The following RTN1 variants were observed in gnomAD, a reference collection of about 807,000 sequenced individuals.
RTN1 encodes the protein reticulon-1.
RTN1 carries 25 observed loss-of-function variants against 65.5 expected under a neutral mutation model. The ratio of observed to expected loss-of-function variants is 0.38; its 90% CI spans 0.28 to 0.53. RTN1 has a LOEUF of 0.53. Among genes scored for constraint, RTN1 ranks in the 20% least tolerant of loss-of-function variants. The probability of loss-of-function intolerance (pLI) is 0.79; values close to 1 mark genes in which losing one functional copy is unlikely to be tolerated. For missense variants in RTN1, 983 were observed against 1,025.4 expected, an observed-to-expected ratio of 0.96 and a Z score of 0.57; for synonymous variants, 471 against 447.6, an observed-to-expected ratio of 1.05 and a Z score of -0.66.
chr14:59,838,286 C>G (rs1418140352), intron 1 of RTN1, among the ~76,000 whole-genome samples: 2 of 152,182 alleles, frequency 1.3e-5, no homozygotes, highest in East Asian at 3.8e-4. Context: ...TCAGTTCAAC[C>G]TTTCCGAAAG....
At chr14:59,679,813 C>A (rs985081405) in intron 3 of RTN1, among the ~76,000 whole-genome samples, 1 of 152,158 alleles carries the variant, frequency 6.6e-6, no homozygotes, top group Admixed American at 6.5e-5. Context: ...TACAGACTTG[C>A]ATATAATTTT....
At chr14:59,782,470 CCA>C in intron 1 of RTN1, among the ~76,000 whole-genome samples, 1 of 152,154 alleles carries the variant, frequency 6.6e-6, no homozygotes, top group East Asian at 1.9e-4. Flanking sequence ...TAACTTTCTG[CCA>C]ATTTAGATAG....
chr14:59,610,338 G>A, intron 3 of RTN1: 1 of 564,758 alleles, frequency 1.8e-6, no homozygotes, highest in Non-Finnish European at 3.1e-6. Flanking sequence ...CTAATAAGGA[G>A]GTTAACAAAA....
chr14:59,686,406 T>C (rs958925115), intron 3 of RTN1, among the ~76,000 whole-genome samples: 2 of 152,168 alleles, frequency 1.3e-5, no homozygotes, highest in Admixed American at 6.5e-5. Flanking sequence ...GGAGAAAATA[T>C]CTGCAAACTA....
intron 1 of RTN1, among the ~76,000 whole-genome samples, chr14:59,815,377 T>C (rs1201078235): frequency 1.3e-5 from 2 of 152,162 alleles, no homozygotes; most frequent in African/African-American, 4.8e-5. Context: ...ATCACTTCCT[T>C]GGAGCTATCA....
At chr14:59,835,260 G>C (rs1211402925) in intron 1 of RTN1, among the ~76,000 whole-genome samples, 1 of 152,046 alleles carries the variant, frequency 6.6e-6, no homozygotes, top group Non-Finnish European at 1.5e-5. Flanking sequence ...AAAAAAAATA[G>C]CATATATGGT....
In RTN1 at chr14:59,817,705, G is replaced by T. The variant is rs572102088; in HGVS notation, c.241+52685C>A. 2.0e-5 allele frequency among the ~76,000 whole-genome samples: 3 copies of T among 151,816 alleles called. No individual in the cohort carries two copies. The South Asian group carries it at 6.2e-4, about 32-fold the overall frequency. On this transcript the variant is annotated intron_variant, in intron 1 of 8. Transcript: ENST00000267484. The stretch of plus-strand genomic sequence containing the variant: ...AGTATAAACATTTCCACGACTCTTG[G>T]ACCACCCTGCCACCCTAGTGTCCTG...
intron 3 of RTN1, among the ~76,000 whole-genome samples, chr14:59,611,141 C>G (rs1881936286): frequency 6.6e-6 from 1 of 152,186 alleles, no homozygotes; most frequent in African/African-American, 2.4e-5. Context: ...TTGCAATTCC[C>G]CTGTCTTGAT....
At chr14:59,781,775 T>C (rs1456123652) in intron 1 of RTN1, among the ~76,000 whole-genome samples, 1 of 152,196 alleles carries the variant, frequency 6.6e-6, no homozygotes, top group Non-Finnish European at 1.5e-5. Flanking sequence ...GGGTATTTGA[T>C]TTGATTAAAA....
chr14:59,620,660 G>C (rs1034175393), intron 3 of RTN1, among the ~76,000 whole-genome samples: 2 of 152,090 alleles, frequency 1.3e-5, no homozygotes, highest in Admixed American at 6.5e-5. Context: ...AACAGTGCTG[G>C]TCTAGAAACA....
intron 3 of RTN1, among the ~76,000 whole-genome samples, chr14:59,622,288 C>T (rs1294081614): frequency 1.3e-5 from 2 of 152,202 alleles, no homozygotes; most frequent in Admixed American, 1.3e-4. Context: ...TTGCAGTGAG[C>T]CAAGATCGAG....
At chr14:59,654,731 T>C (rs772814007) in intron 3 of RTN1, among the ~76,000 whole-genome samples, 2 of 151,840 alleles carry the variant, frequency 1.3e-5, no homozygotes, top group African/African-American at 2.4e-5. Context: ...AGAAAAAAAA[T>C]TGAGAAATCC....
chr14:59,768,519 G>T (rs570975956), intron 1 of RTN1, among the ~76,000 whole-genome samples: 1 of 152,072 alleles, frequency 6.6e-6, no homozygotes, highest in Non-Finnish European at 1.5e-5. Context: ...TGATCTGGTC[G>T]TTGCTACCAC....
intron 1 of RTN1, among the ~76,000 whole-genome samples, chr14:59,749,348 CTATATATATCTATATA>C (rs1885337632): frequency 3.0e-5 from 1 of 33,486 alleles, no homozygotes; most frequent in African/African-American, 2.4e-4. Flanking sequence ...CTATATATAT[CTATATATATCTATATA>C]TATATCTATA....
chr14:59,635,072 C>T (rs1882634364), intron 3 of RTN1, among the ~76,000 whole-genome samples: 1 of 151,988 alleles, frequency 6.6e-6, no homozygotes, highest in East Asian at 1.9e-4. Context: ...GTCAATCAGC[C>T]CTTAGCAAGA....
At chr14:59,689,159 C>A (rs113383461) in intron 3 of RTN1, among the ~76,000 whole-genome samples, 1 of 151,836 alleles carries the variant, frequency 6.6e-6, no homozygotes, top group South Asian at 2.1e-4. Flanking sequence ...TAAGAAATTT[C>A]AATATAAAAT....
intron 1 of RTN1, among the ~76,000 whole-genome samples, chr14:59,819,408 A>ACCCCCCCCCCCCCCCCCCCC (rs1566737409): frequency 5.3e-5 from 1 of 18,758 alleles, no homozygotes; most frequent in African/African-American, 6.2e-4. Flanking sequence ...CATCCACACC[A>ACCCCCCCCCCCCCCCCCCCC]CCACCACCCC....
chr14:59,745,607 A>C (rs1885199867), intron 2 of RTN1, 101 bp downstream of exon 2: 7 of 1,016,014 alleles, frequency 6.9e-6, no homozygotes, highest in Non-Finnish European at 1.0e-5. Context: ...CCAGATAGTA[A>C]AGTATGTTGA....
chr14:59,858,782 G>A (rs561935066), intron 1 of RTN1, among the ~76,000 whole-genome samples: 10 of 152,184 alleles, frequency 6.6e-5, no homozygotes, highest in African/African-American at 1.4e-4. Flanking sequence ...GGAAAGGATC[G>A]TATGATGCTT....
Sources: allele counts gnomAD v4.1 joint callset (sites outside exome capture counted in the v4.1 genomes callset), GRCh38; gene constraint gnomAD v4.1.1; transcripts MANE v1.5; gene names NCBI Gene and HGNC (gene_info 2026-07-23, HGNC 2026-07-21).